The following FBXL17 variants were observed in gnomAD, a reference collection of about 807,000 sequenced individuals.
The protein encoded by FBXL17 is F-box and leucine rich repeat protein 17.
FBXL17 carries 22 observed loss-of-function variants against 66.2 expected under a neutral mutation model. The ratio of observed to expected loss-of-function variants is 0.33; its 90% CI spans 0.24 to 0.47. The LOEUF (loss-of-function observed/expected upper bound fraction) is 0.47. Ranked by LOEUF, FBXL17 falls within the 20% of genes least tolerant of loss-of-function variation. The probability of loss-of-function intolerance (pLI) is 1.00; values close to 1 mark genes in which losing one functional copy is unlikely to be tolerated. For synonymous variants in FBXL17, 474 were observed against 400.5 expected (o/e 1.18, Z -2.19); for missense variants, 878 against 948.2 (o/e 0.93, Z 0.97).
chr5:108,120,308 T>C (rs1269067005), intron 6 of FBXL17, among the ~76,000 whole-genome samples: 4 of 152,212 alleles, frequency 2.6e-5, no homozygotes, highest in South Asian at 4.1e-4. Flanking sequence ...AATAATTCTA[T>C]TGTGTTTAAT....
In FBXL17 at chr5:108,083,218, A is replaced by AACACACACACACACACAC. The variant is rs756726228; in HGVS notation, c.1746-62235_1746-62218dup. ...GGCTTCTCCCTCACCCTCACCTCAG[A>AACACACACACACACACAC]ACACACACACACACACACACACACA... On this transcript the variant is annotated intron_variant, in intron 6 of 8. Coordinates refer to ENST00000542267, the MANE Select transcript of FBXL17 (RefSeq NM_001163315.3). Among the ~76,000 whole-genome samples the AACACACACACACACACAC allele has an allele frequency of 3.3e-3, 484 of 144,550 alleles. 6 individuals are homozygous for AACACACACACACACACAC. Among genetic ancestry groups the AACACACACACACACACAC allele is most frequent in the South Asian group, 2.6e-3 (11 of 4,264 alleles). The allele number at this position is 144,550 out of a possible 152,430, so 94.8% of individuals were successfully genotyped here. A position where few individuals can be genotyped will look rare whatever the true frequency, so the allele number is the denominator to read the frequency against.
chr5:108,278,073 G>A (rs752339555), intron 4 of FBXL17, among the ~76,000 whole-genome samples: 28 of 152,148 alleles, frequency 1.8e-4, no homozygotes, highest in Non-Finnish European at 3.7e-4. Context: ...AAGGCAGCCT[G>A]CTTGGCTGGG....
intron 7 of FBXL17, among the ~76,000 whole-genome samples, chr5:107,925,342 C>T (rs906292334): frequency 6.6e-6 from 1 of 152,206 alleles, no homozygotes; most frequent in Non-Finnish European, 1.5e-5. Context: ...GATCTTGCCA[C>T]ATCCTGCTTT....
At chr5:107,917,371 A>C (rs919768) in intron 7 of FBXL17, among the ~76,000 whole-genome samples, 5 of 152,054 alleles carry the variant, frequency 3.3e-5, no homozygotes, top group African/African-American at 4.8e-5. Flanking sequence ...AAAGCTGTGG[A>C]CTTTTTTTTT....
intron 7 of FBXL17, among the ~76,000 whole-genome samples, chr5:107,979,488 G>A (rs901982634): frequency 1.1e-4 from 17 of 152,304 alleles, no homozygotes; most frequent in Admixed American, 3.3e-4. Flanking sequence ...GTTAAATTGC[G>A]TAATGGTGTG....
chr5:108,067,549 T>A (rs1231182034), intron 6 of FBXL17, among the ~76,000 whole-genome samples: 1 of 152,204 alleles, frequency 6.6e-6, no homozygotes, highest in Non-Finnish European at 1.5e-5. Context: ...GCGGGCTATT[T>A]CTAAGGCTTG....
intron 5 of FBXL17, among the ~76,000 whole-genome samples, chr5:108,197,207 T>G (rs1346890729): frequency 1.3e-5 from 2 of 152,180 alleles, no homozygotes; most frequent in African/African-American, 4.8e-5. Flanking sequence ...CTTGTCACTT[T>G]TTTACCCAGC....
chr5:108,325,605 A>C (rs1759812676), intron 4 of FBXL17, among the ~76,000 whole-genome samples: 1 of 152,200 alleles, frequency 6.6e-6, no homozygotes, highest in Admixed American at 6.6e-5. Flanking sequence ...GTCCCACCTC[A>C]CCATCTATAA....
At chr5:108,115,317 GA>G (rs1480897693) in intron 6 of FBXL17, among the ~76,000 whole-genome samples, 1 of 151,896 alleles carries the variant, frequency 6.6e-6, no homozygotes, top group Non-Finnish European at 1.5e-5. Context: ...TAAAATATGA[GA>G]ATTGAGTATG....
intron 3 of FBXL17, among the ~76,000 whole-genome samples, chr5:108,352,612 G>A (rs992599317): frequency 2.0e-4 from 30 of 152,076 alleles, no homozygotes; most frequent in African/African-American, 7.2e-4. Context: ...CTGGTTTCAA[G>A]CGATTCTCCT....
At chr5:108,246,380 G>C (rs561153212) in intron 4 of FBXL17, among the ~76,000 whole-genome samples, 1 of 152,114 alleles carries the variant, frequency 6.6e-6, no homozygotes, top group African/African-American at 2.4e-5. Context: ...AGCTGGGCAC[G>C]GTTGTGCACA....
intron 4 of FBXL17, among the ~76,000 whole-genome samples, chr5:108,342,193 T>C (rs1375097722): frequency 6.6e-6 from 1 of 152,164 alleles, no homozygotes; most frequent in African/African-American, 2.4e-5. Flanking sequence ...CCATTAAATC[T>C]TCTGGACAAA....
At position 108,253,970 on chromosome 5, in the gene FBXL17, T is replaced by A. The variant is rs149062698; in HGVS notation, c.1507-29742A>T. Among the ~76,000 whole-genome samples the A allele has an allele frequency of 4.9e-3, 752 of 151,954 alleles. 11 individuals carry two copies. Among genetic ancestry groups the A allele is most frequent in the African/African-American group, 0.017 (718 of 41,436 alleles). ...TGGGAGGCCACAGAGCAAGACCCTG[T>A]CTCAAAAAAAGAAAAGAAAAGAAAC... On this transcript the variant is annotated intron_variant, in intron 4 of 8. Transcript: ENST00000542267.
At chr5:108,184,554 G>A (rs575079109) in intron 6 of FBXL17, among the ~76,000 whole-genome samples, 8 of 151,590 alleles carry the variant, frequency 5.3e-5, no homozygotes, top group African/African-American at 1.9e-4. Flanking sequence ...TGATCCGCCC[G>A]CCTTGGCCTC....
intron 8 of FBXL17, chr5:107,880,665 C>T (rs556340046): frequency 2.5e-6 from 3 of 1,206,908 alleles, no homozygotes; most frequent in Admixed American, 4.0e-5. Flanking sequence ...TTTACTGTTG[C>T]TGGAAACTTG....
chr5:108,347,237 T>A (rs537314090), intron 4 of FBXL17, among the ~76,000 whole-genome samples: 3 of 152,288 alleles, frequency 2.0e-5, no homozygotes, highest in Non-Finnish European at 2.9e-5. Context: ...GTCACTGTAA[T>A]GAATACTGCA....
chr5:107,930,764 A>T (rs1750702595), intron 7 of FBXL17, among the ~76,000 whole-genome samples: 1 of 152,200 alleles, frequency 6.6e-6, no homozygotes, highest in Admixed American at 6.5e-5. Context: ...TGTAATTATG[A>T]CCTACAGGAC....
At chr5:108,072,657 G>A (rs570921029) in intron 6 of FBXL17, among the ~76,000 whole-genome samples, 194 of 152,230 alleles carry the variant, frequency 1.3e-3, no homozygotes, top group Non-Finnish European at 2.4e-3. Flanking sequence ...ACAGTGAGCC[G>A]AGATTGCGCC....
chr5:108,010,239 C>A (rs934880346), intron 7 of FBXL17, among the ~76,000 whole-genome samples: 5 of 152,154 alleles, frequency 3.3e-5, no homozygotes, highest in African/African-American at 1.2e-4. Flanking sequence ...CCAAGAGGTC[C>A]ATTTTCAATA....
Sources: gnomAD v4.1 joint callset for allele counts (sites outside exome capture counted in the v4.1 genomes callset) on GRCh38, gnomAD v4.1.1 for gene constraint, MANE v1.5 for transcripts, NCBI Gene and HGNC (gene_info 2026-07-23, HGNC 2026-07-21) for gene names.